SLC30A8: variants seen among roughly 807,000 people sequenced by gnomAD.
The protein encoded by SLC30A8 is solute carrier family 30 member 8.
SLC30A8 carries 27 observed loss-of-function variants against 36.9 expected under a neutral mutation model. The observed-to-expected ratio is 0.73, with a 90% CI of 0.54 to 1.01. SLC30A8 has a LOEUF of 1.01. Among genes scored for constraint, SLC30A8 ranks in the 50% least tolerant of loss-of-function variants. The pLI is 0.00. For missense variants in SLC30A8, 439 were observed against 452.0 expected (o/e 0.97, Z 0.26); for synonymous variants, 164 against 172.4 (o/e 0.95, Z 0.38).
chr8:116,987,941 C>T (rs1483365388), intron 1 of SLC30A8, among the ~76,000 whole-genome samples: 8 of 152,272 alleles, frequency 5.3e-5, no homozygotes, highest in Admixed American at 1.3e-4. Flanking sequence ...TCAAGTGATC[C>T]GCCTGCCTTG....
At chr8:117,155,759 G>T (rs1186149915) in intron 3 of SLC30A8, among the ~76,000 whole-genome samples, 1 of 152,158 alleles carries the variant, frequency 6.6e-6, no homozygotes, top group East Asian at 1.9e-4. Flanking sequence ...CGTCAGTGGG[G>T]TTGGTTCCTT....
At chr8:117,097,322 C>A (rs749036361) in intron 2 of SLC30A8, among the ~76,000 whole-genome samples, 1 of 130,550 alleles carries the variant, frequency 7.7e-6, no homozygotes, top group Non-Finnish European at 1.6e-5. Flanking sequence ...TGGCGTTTAC[C>A]GGGGGTGGAG....
intron 2 of SLC30A8, among the ~76,000 whole-genome samples, chr8:117,042,496 C>T (rs1043909824): frequency 1.3e-5 from 2 of 151,968 alleles, no homozygotes; most frequent in Non-Finnish European, 2.9e-5. Flanking sequence ...GTATGTGAGG[C>T]GGGGCGGGGT....
chr8:117,036,129 G>T (rs10097285), intron 1 of SLC30A8, among the ~76,000 whole-genome samples: 25,338 of 152,076 alleles, frequency 0.17, 2,273 homozygotes, highest in African/African-American at 0.23. Flanking sequence ...AGAAAATGGG[G>T]TTTTCTTTTC....
At chr8:117,154,114 G>A (rs2130988770) in intron 3 of SLC30A8, among the ~76,000 whole-genome samples, 1 of 152,098 alleles carries the variant, frequency 6.6e-6, no homozygotes, top group South Asian at 2.1e-4. Flanking sequence ...AAGTTCTGGG[G>A]TACATGTGCA....
upstream of SLC30A8, among the ~76,000 whole-genome samples, chr8:117,133,744 T>C (rs887021074): frequency 6.6e-6 from 1 of 152,030 alleles, no homozygotes; most frequent in Non-Finnish European, 1.5e-5. Context: ...TTTTCTACTT[T>C]CGCCTCCACA....
At position 117,161,638 on chromosome 8, in the gene SLC30A8, T is replaced by A. The variant is rs182408015; in HGVS notation, c.573-100T>A. The A allele has an allele frequency of 4.3e-4, 478 of 1,106,126 alleles. 2 individuals carry two copies. In the East Asian group the frequency reaches 0.011, roughly 26 times the overall value. 68.5% of individuals were successfully genotyped at this position (1,106,126 alleles called of 1,614,324 possible). ...AAAGCATAAATATTTCAACTATCCA[T>A]CATTTTGGATAATGCATGTTATTGC... On this transcript the variant is annotated intron_variant, in intron 4 of 7. Transcript: ENST00000456015.
chr8:116,962,733 A>G (rs1382607953), intron 1 of SLC30A8, among the ~76,000 whole-genome samples: 1 of 151,996 alleles, frequency 6.6e-6, no homozygotes, highest in African/African-American at 2.4e-5. Flanking sequence ...GCTGCTTTTC[A>G]TGTCTGACAC....
At chr8:116,971,800 A>G (rs528372737) in intron 1 of SLC30A8, among the ~76,000 whole-genome samples, 1 of 152,324 alleles carries the variant, frequency 6.6e-6, no homozygotes, top group East Asian at 1.9e-4. Flanking sequence ...AACTGTAATA[A>G]TGCAAATGCC....
In SLC30A8 at chr8:117,126,456, C is replaced by T. The variant is rs541679799; in HGVS notation, c.-225-8824C>T. On this transcript the variant is annotated intron_variant, in intron 2 of 10. Transcript: ENST00000427715. ...TTGATTACCCGGTTGGTGAATGGTA[C>T]CCAAGTCTTCTGACTTCAAAGGCTT... Among the ~76,000 whole-genome samples, 3 of 151,980 alleles carry T rather than the reference C, an allele frequency of 2.0e-5. No homozygotes were observed. In the East Asian group the frequency reaches 5.8e-4, roughly 30 times the overall value.
intron 2 of SLC30A8, among the ~76,000 whole-genome samples, chr8:117,110,243 G>A (rs1820165576): frequency 6.6e-6 from 1 of 151,376 alleles, no homozygotes; most frequent in South Asian, 2.1e-4. Context: ...ATTTTATAGA[G>A]ACTCAGCAAC....
chr8:117,004,412 C>A (rs1346075672), intron 1 of SLC30A8, among the ~76,000 whole-genome samples: 1 of 152,164 alleles, frequency 6.6e-6, no homozygotes, highest in African/African-American at 2.4e-5. Context: ...ATACACTAAG[C>A]TGAGCATATA....
intron 1 of SLC30A8, among the ~76,000 whole-genome samples, chr8:116,963,092 A>G (rs192703059): frequency 8.9e-4 from 136 of 152,264 alleles, no homozygotes; most frequent in African/African-American, 2.8e-3. Context: ...TTAAGAATGT[A>G]GGAAATCTTC....
intron 2 of SLC30A8, among the ~76,000 whole-genome samples, chr8:117,072,290 CTTTA>C (rs1818356765): frequency 6.6e-6 from 1 of 152,152 alleles, no homozygotes; most frequent in Non-Finnish European, 1.5e-5. Context: ...AAAGCAGCCT[CTTTA>C]TTTGACCATC....
At chr8:117,066,204 C>A (rs754173691) in intron 2 of SLC30A8, among the ~76,000 whole-genome samples, 1 of 152,150 alleles carries the variant, frequency 6.6e-6, no homozygotes, top group Admixed American at 6.5e-5. Flanking sequence ...AGTAGGCAAG[C>A]GCCTTCTTTC....
intron 1 of SLC30A8, among the ~76,000 whole-genome samples, chr8:117,008,602 A>G (rs1026194352): frequency 1.3e-5 from 2 of 152,218 alleles, no homozygotes; most frequent in Non-Finnish European, 2.9e-5. Context: ...AGAGTGGACT[A>G]TCTCTGCCAT....
chr8:117,174,810 T>C lies in SLC30A8; in HGVS notation c.*2129T>C, dbSNP rs1823588204. On this transcript the variant is annotated 3_prime_UTR_variant, in exon 8 of 8. Transcript: ENST00000456015. ...CCATGGCCCCAGGGTATTTCTGTTG[T>C]TTCCCTGAAATTCTGCTTTTTTAGT... The C allele has an allele frequency of 6.6e-6, 1 of 152,554 alleles. No individual in the cohort carries two copies. Among genetic ancestry groups the C allele is most frequent in the African/African-American group, 2.4e-5 (1 of 41,444 alleles). 9.5% of individuals were successfully genotyped at this position (152,554 alleles called of 1,614,324 possible). A position where few individuals can be genotyped will look rare whatever the true frequency, so the allele number is the denominator to read the frequency against.
chr8:117,065,399 C>G (rs544783168), intron 2 of SLC30A8, among the ~76,000 whole-genome samples: 6 of 152,148 alleles, frequency 3.9e-5, no homozygotes, highest in Admixed American at 6.5e-5. Context: ...TAATAGAAAA[C>G]TTTTTCCCCT....
intron 1 of SLC30A8, among the ~76,000 whole-genome samples, chr8:116,962,817 G>T (rs1036666876): frequency 6.6e-6 from 1 of 151,956 alleles, no homozygotes; most frequent in Admixed American, 6.6e-5. Flanking sequence ...ATTACTTCGT[G>T]AATTAACAGG....
Sources: gnomAD v4.1 joint callset for allele counts (sites outside exome capture counted in the v4.1 genomes callset) on GRCh38, gnomAD v4.1.1 for gene constraint, MANE v1.5 for transcripts, NCBI Gene and HGNC (gene_info 2026-07-23, HGNC 2026-07-21) for gene names.